The following TBCK variants were observed in gnomAD, a reference collection of about 807,000 sequenced individuals.
TBCK encodes TBC domain-containing protein kinase-like protein.
A neutral mutation model predicts 113.4 loss-of-function variants in TBCK; 99 were observed. The observed-to-expected ratio is 0.87, with a 90% CI of 0.74 to 1.03. TBCK has a LOEUF of 1.03. Among genes scored for constraint, TBCK ranks in the 50% least tolerant of loss-of-function variants. The probability of loss-of-function intolerance (pLI) is 0.00; values close to 1 mark genes in which losing one functional copy is unlikely to be tolerated. For missense variants in TBCK, 1,045 were observed against 1,061.3 expected (o/e 0.98, Z 0.21); for synonymous variants, 369 against 370.8 (o/e 1.00, Z 0.05).
At position 106,147,454 on chromosome 4, in the gene TBCK, C is replaced by T. The variant is rs530880157; in HGVS notation, c.2235+23641G>A. On this transcript the variant is annotated intron_variant, in intron 23 of 25. Coordinates refer to ENST00000394708, the MANE Select transcript of TBCK (RefSeq NM_001163435.3). Reference sequence around the variant, plus strand: ...AGTCAGGGACCCCAAACAGAGGGACCGGCTGAAGCCATGGCAGAAGAACGT... The same window carrying T: ...AGTCAGGGACCCCAAACAGAGGGACTGGCTGAAGCCATGGCAGAAGAACGT... 1.4e-4 allele frequency among the ~76,000 whole-genome samples: 21 copies of T among 152,252 alleles called. No homozygotes were observed. The South Asian group carries it at 4.2e-3, about 30-fold the overall frequency.
intron 22 of TBCK, among the ~76,000 whole-genome samples, chr4:106,173,394 C>T (rs150325854): frequency 1.3e-5 from 2 of 152,100 alleles, no homozygotes; most frequent in South Asian, 4.1e-4. Context: ...AGAGAAAATA[C>T]TCAACCATCT....
intron 23 of TBCK, among the ~76,000 whole-genome samples, chr4:106,129,386 C>T (rs930194832): frequency 3.3e-5 from 5 of 152,038 alleles, no homozygotes; most frequent in East Asian, 1.9e-4. Context: ...AGTGAACATG[C>T]GGTGTTTGGT....
intron 3 of TBCK, among the ~76,000 whole-genome samples, chr4:106,269,614 G>A (rs1355408464): frequency 6.6e-6 from 1 of 152,108 alleles, no homozygotes; most frequent in Non-Finnish European, 1.5e-5. Flanking sequence ...GTTTTGAAAT[G>A]GAAATTGCAT....
At chr4:106,248,840 T>C (rs1183178377) in intron 8 of TBCK, 81 bp downstream of exon 8, 3 of 1,153,590 alleles carry the variant, frequency 2.6e-6, no homozygotes, top group Non-Finnish European at 3.7e-6. Context: ...GAAAAATAAA[T>C]TTTTGTCTTT....
At chr4:106,296,493 T>C (rs1766316061) in intron 2 of TBCK, among the ~76,000 whole-genome samples, 1 of 152,098 alleles carries the variant, frequency 6.6e-6, no homozygotes, top group Non-Finnish European at 1.5e-5. Flanking sequence ...GTAAGAAATC[T>C]AGTATATAAA....
intron 19 of TBCK, 55 bp from the exon 20 acceptor site, chr4:106,212,890 T>C (rs1185786403): frequency 2.8e-6 from 3 of 1,068,416 alleles, no homozygotes; most frequent in African/African-American, 3.2e-5. Context: ...TCCAAGAACA[T>C]TATATTCAAA....
rs551692447 is a variant in TBCK, at chr4:106,232,712, C to A, written c.1639+226G>T. Among the ~76,000 whole-genome samples the A allele has an allele frequency of 1.2e-3, 180 of 152,056 alleles. 1 individual carries two copies. The highest frequency in any genetic ancestry group is 6.8e-3 in the Middle Eastern group (2 of 294). ...AGCTCCAAATATTCTTTCTGCTTTG[C>A]TAATCAACTTGTATATTAAATATTA... On this transcript the variant is annotated intron_variant, in intron 17 of 25. Transcript: ENST00000394708.
At position 106,080,871 on chromosome 4, in the gene TBCK, A is replaced by G. The variant is rs145141642; in HGVS notation, c.2571+14611T>C. Among the ~76,000 whole-genome samples the G allele has an allele frequency of 6.1e-3, 925 of 152,328 alleles. 11 individuals carry two copies. Among genetic ancestry groups the G allele is most frequent in the African/African-American group, 0.021 (868 of 41,572 alleles). On this transcript the variant is annotated intron_variant, in intron 25 of 25. Transcript: ENST00000394708. ...GAAAGTGGACAAAAAACATGAACAG[A>G]TACCTCTCAAAAGAAGAAATTCACA... is the stretch of plus-strand genomic sequence containing the variant.
At chr4:106,050,143 T>A (rs1734649277) in intron 25 of TBCK, among the ~76,000 whole-genome samples, 1 of 152,028 alleles carries the variant, frequency 6.6e-6, no homozygotes, top group Non-Finnish European at 1.5e-5. Context: ...AAGGGAGATT[T>A]CATAATGATA....
intron 23 of TBCK, among the ~76,000 whole-genome samples, chr4:106,146,056 A>G (rs1560716710): frequency 6.6e-6 from 1 of 152,182 alleles, no homozygotes; most frequent in Non-Finnish European, 1.5e-5. Flanking sequence ...ATATACCCAG[A>G]AGAATATAAA....
intron 25 of TBCK, among the ~76,000 whole-genome samples, chr4:106,077,807 C>G (rs1318553893): frequency 6.6e-6 from 1 of 152,114 alleles, no homozygotes; most frequent in East Asian, 1.9e-4. Flanking sequence ...ACCAATTAGA[C>G]CTAATAGACA....
In TBCK at chr4:106,230,558, A is replaced by G. The variant is rs1758748410; in HGVS notation, c.1691-112T>C. Reference sequence around the variant, plus strand: ...TTGAAACTACTATTAAATAACAGTTATGATAGCCAAGTGCTAGAAAAACAA... The same window carrying G: ...TTGAAACTACTATTAAATAACAGTTGTGATAGCCAAGTGCTAGAAAAACAA... On this transcript the variant is annotated intron_variant, in intron 18 of 25. Transcript: ENST00000394708. 8.2e-6 allele frequency: 4 copies of G among 485,386 alleles called. No homozygotes were observed. In the East Asian group the frequency reaches 1.3e-4, roughly 16 times the overall value. The allele number at this position is 485,386 out of a possible 1,614,324, so 30.1% of individuals were successfully genotyped here.
intron 22 of TBCK, among the ~76,000 whole-genome samples, chr4:106,177,302 T>C (rs560449050): frequency 6.6e-6 from 1 of 152,016 alleles, no homozygotes; most frequent in Non-Finnish European, 1.5e-5. Context: ...TTCTTCACTC[T>C]GTTGATTGTT....
intron 20 of TBCK, among the ~76,000 whole-genome samples, chr4:106,198,136 G>A (rs1455845150): frequency 6.6e-6 from 1 of 152,132 alleles, no homozygotes; most frequent in African/African-American, 2.4e-5. Flanking sequence ...AGGACTTGGA[G>A]TCAGAAAACA....
intron 24 of TBCK, among the ~76,000 whole-genome samples, chr4:106,104,606 CCACAG>C (rs957892873): frequency 1.3e-5 from 2 of 151,628 alleles, no homozygotes; most frequent in African/African-American, 4.9e-5. Context: ...AGAAGGAATC[CCACAG>C]CACAGCATAG....
At chr4:106,219,676 A>C (rs754737420) in intron 19 of TBCK, among the ~76,000 whole-genome samples, 2 of 152,064 alleles carry the variant, frequency 1.3e-5, no homozygotes, top group Non-Finnish European at 2.9e-5. Flanking sequence ...TTAAAAAACC[A>C]AGATTAATAC....
At chr4:106,115,535 C>G (rs183357070) in intron 24 of TBCK, among the ~76,000 whole-genome samples, 7 of 152,072 alleles carry the variant, frequency 4.6e-5, no homozygotes, top group Non-Finnish European at 7.4e-5. Context: ...TATTGAGTTT[C>G]TAAGAAAGAT....
At chr4:106,292,320 C>T (rs1376688349) in intron 3 of TBCK, among the ~76,000 whole-genome samples, 1 of 152,038 alleles carries the variant, frequency 6.6e-6, no homozygotes, top group Non-Finnish European at 1.5e-5. Context: ...ACTTGTAATC[C>T]CAGCACTTTG....
At chr4:106,230,552 A>T (rs1429293620) in intron 18 of TBCK, 106 bp from the exon 19 acceptor site, 1 of 515,130 alleles carries the variant, frequency 1.9e-6, no homozygotes, top group Non-Finnish European at 3.3e-6. Flanking sequence ...CTATTAAATA[A>T]CAGTTATGAT....
Sources: allele counts gnomAD v4.1 joint callset (sites outside exome capture counted in the v4.1 genomes callset), GRCh38; gene constraint gnomAD v4.1.1; transcripts MANE v1.5; gene names NCBI Gene and HGNC (gene_info 2026-07-23, HGNC 2026-07-21).